GPSM2: variants seen among roughly 807,000 people sequenced by gnomAD.
GPSM2 encodes G protein signaling modulator 2.
Under a neutral mutation model 78.4 loss-of-function variants are expected in GPSM2, and 58 were observed. The ratio of observed to expected loss-of-function variants is 0.74; its 90% confidence interval spans 0.60 to 0.92. The LOEUF is 0.92. Ranked by LOEUF, GPSM2 falls within the 40% of genes least tolerant of loss-of-function variation. GPSM2 has a pLI of 0.00. For synonymous variants in GPSM2, 224 were observed against 280.2 expected (o/e 0.80, Z 2.00); for missense variants, 700 against 815.5 (o/e 0.86, Z 1.73).
At chr1:108,886,035 G>A (rs1037374684) in intron 2 of GPSM2, among the ~76,000 whole-genome samples, 2 of 150,546 alleles carry the variant, frequency 1.3e-5, no homozygotes, top group African/African-American at 4.9e-5. Context: ...TCCTTTTTTT[G>A]TATATTTTTT....
intron 10 of GPSM2, among the ~76,000 whole-genome samples, chr1:108,908,098 G>A (rs1570922021): frequency 6.6e-6 from 1 of 152,194 alleles, no homozygotes; most frequent in East Asian, 1.9e-4. Flanking sequence ...GGGGCCGGGC[G>A]CCATGGCTCA....
At position 108,898,636 on chromosome 1, in the gene GPSM2, C is replaced by T; in HGVS notation, c.558-6C>T. On this transcript the variant is annotated splice_region_variant and splice_polypyrimidine_tract_variant and intron_variant, in intron 5 of 14. Coordinates refer to ENST00000264126, the MANE Select transcript of GPSM2 (RefSeq NM_013296.5). ...TATTTTTTCATCACTTTTTGCGATC[C>T]CTTAGGGAAAACCTATCATTAGTGA... 1 of 1,613,368 alleles carries T rather than the reference C, an allele frequency of 6.2e-7. No individual in the cohort carries two copies. The highest frequency in any genetic ancestry group is 8.5e-7 in the Non-Finnish European group (1 of 1,179,574).
intron 2 of GPSM2, among the ~76,000 whole-genome samples, chr1:108,889,838 AAGCTGAACAT>A (rs1647845486): frequency 6.6e-6 from 1 of 151,920 alleles, no homozygotes; most frequent in African/African-American, 2.4e-5. Context: ...TCACCCGGCC[AAGCTGAACAT>A]AGAACACAAG....
intron 10 of GPSM2, among the ~76,000 whole-genome samples, chr1:108,906,567 T>C (rs1245538897): frequency 6.6e-6 from 1 of 151,880 alleles, no homozygotes; most frequent in Non-Finnish European, 1.5e-5. Flanking sequence ...TTTTTTTTTT[T>C]TTTTTTTCTA....
At chr1:108,929,473 A>G (rs776223239) in intron 14 of GPSM2, 39 of 565,500 alleles carry the variant, frequency 6.9e-5, no homozygotes, top group Middle Eastern at 9.7e-4. Flanking sequence ...CTATACCTAT[A>G]TAAGCCATTT....
chr1:108,889,014 G>T (rs910890875), intron 2 of GPSM2, among the ~76,000 whole-genome samples: 2 of 152,194 alleles, frequency 1.3e-5, no homozygotes, highest in Non-Finnish European at 2.9e-5. Context: ...CCAGCATGAA[G>T]TATTGCTGGT....
At chr1:108,909,921 AAAAAAAG>A (rs1649579207) in intron 10 of GPSM2, 1 of 147,740 alleles carries the variant, frequency 6.8e-6, no homozygotes, top group Non-Finnish European at 1.5e-5. Context: ...AAAAAAAAAA[AAAAAAAG>A]GAAAAAGGCT....
intron 1 of GPSM2, among the ~76,000 whole-genome samples, chr1:108,883,762 T>C (rs1421758140): frequency 6.6e-6 from 1 of 151,968 alleles, no homozygotes; most frequent in African/African-American, 2.4e-5. Flanking sequence ...CCTTTATTCC[T>C]CTCTTTTTCT....
rs1161530397 is a variant in GPSM2 at position 108,932,294 on chromosome 1, G to A, written c.*2354G>A. On this transcript the variant is annotated 3_prime_UTR_variant, in exon 15 of 15. Transcript: ENST00000264126. ...CAAAAAAAAGTAAAATTTCAAAAAA[G>A]CTTCACAATATAAACCTTAATTTTA... 6.6e-6 allele frequency: 1 copy of A among 152,008 alleles called. No individual in the cohort carries two copies. The highest frequency in any genetic ancestry group is 1.5e-5 in the Non-Finnish European group (1 of 67,988). The allele number at this position is 152,008 out of a possible 1,614,324, so 9.4% of individuals were successfully genotyped here.
intron 3 of GPSM2, 47 bp downstream of exon 3, chr1:108,897,132 T>C (rs768405310): frequency 3.8e-6 from 5 of 1,323,592 alleles, no homozygotes; most frequent in Non-Finnish European, 5.4e-6. Flanking sequence ...AAATTAGCTA[T>C]TACTTTAAAA....
At chr1:108,895,317 G>A (rs1469984405) in intron 2 of GPSM2, among the ~76,000 whole-genome samples, 1 of 152,248 alleles carries the variant, frequency 6.6e-6, no homozygotes, top group Non-Finnish European at 1.5e-5. Flanking sequence ...CATTTGATGA[G>A]CTTAATCAGA....
rs768924499 is a variant in GPSM2, at chr1:108,929,868, G to T, written c.1983G>T (p.Gly661=). 3.7e-6 allele frequency: 6 copies of T among 1,613,838 alleles called. No individual in the cohort carries two copies. The South Asian group carries it at 6.6e-5, about 18-fold the overall frequency. Residue 661 remains glycine, a synonymous_variant, in exon 15 of 15, where the codon GGG becomes GGT. Coordinates refer to ENST00000264126, the MANE Select transcript of GPSM2 (RefSeq NM_013296.5). ...ATCAAAACAGAGACACTGACTTTGGGCTAAAGGACTTTTTGCAAAATAATG... is the reference window on the plus strand; with the variant it reads ...ATCAAAACAGAGACACTGACTTTGGTCTAAAGGACTTTTTGCAAAATAATG... ...QRDQNRDTDF[G]LKDFLQNNAL...
At chr1:108,895,880 G>T (rs1476191686) in intron 2 of GPSM2, among the ~76,000 whole-genome samples, 1 of 152,192 alleles carries the variant, frequency 6.6e-6, no homozygotes, top group African/African-American at 2.4e-5. Flanking sequence ...CGTTGTATTA[G>T]AATATACATA....
At position 108,888,043 on chromosome 1, in the gene GPSM2, A is replaced by ATGTTTT. The variant is rs908510411; in HGVS notation, c.56+2484_56+2489dup. ...TCATTTAATAAGGTGATTAGGGAAT[A>ATGTTTT]TGTTTTTGTTTTTGTTTTTGTTTTG... On this transcript the variant is annotated intron_variant, in intron 2 of 14. Transcript: ENST00000264126. 7.2e-5 allele frequency among the ~76,000 whole-genome samples: 11 copies of ATGTTTT among 152,190 alleles called. No homozygotes were observed. In the South Asian group the frequency reaches 1.0e-3, roughly 14 times the overall value.
In GPSM2 at chr1:108,897,071, T is replaced by G; in HGVS notation, c.264T>G (p.Asp88Glu). ...AAGCATTAGAATATCACCATCATGA[T>G]TTAACCCTTGCAAGGTAATTAATTT... ...YAKALEYHHHDLTLARTIGDQ... is the reference protein window; with the variant it reads ...YAKALEYHHHELTLARTIGDQ... Residue 88 changes from aspartate (D) to glutamate (E), a missense_variant, in exon 3 of 15, where the codon GAT becomes GAG. Asp to Glu is a conservative substitution (Grantham distance 45). Coordinates refer to ENST00000264126, the MANE Select transcript of GPSM2 (RefSeq NM_013296.5). 6.2e-7 allele frequency: 1 copy of G among 1,603,062 alleles called. No individual in the cohort carries two copies. The highest frequency in any genetic ancestry group is 1.3e-5 in the African/African-American group (1 of 74,858).
chr1:108,927,093 A>G (rs1651168504), intron 14 of GPSM2, among the ~76,000 whole-genome samples: 1 of 152,230 alleles, frequency 6.6e-6, no homozygotes, highest in Admixed American at 6.5e-5. Context: ...GAAATTAATC[A>G]CTGAGGCAAA....
intron 2 of GPSM2, among the ~76,000 whole-genome samples, chr1:108,891,274 A>G (rs951291623): frequency 6.6e-6 from 1 of 152,168 alleles, no homozygotes; most frequent in Admixed American, 6.5e-5. Flanking sequence ...AGGAATACAG[A>G]TATGGTGTTG....
chr1:108,928,264 TAAC>T (rs1211239259), intron 14 of GPSM2, among the ~76,000 whole-genome samples: 4 of 152,168 alleles, frequency 2.6e-5, no homozygotes, highest in African/African-American at 7.2e-5. Flanking sequence ...TCTATAGAGA[TAAC>T]AAGAGGCTAG....
rs191672168 is a variant in GPSM2, at chr1:108,907,811, T to A, written c.1192+3557T>A. Among the ~76,000 whole-genome samples the A allele has an allele frequency of 1.1e-3, 163 of 152,344 alleles. 1 individual carries two copies. The highest frequency in any genetic ancestry group is 3.1e-3 in the South Asian group (15 of 4,834). On this transcript the variant is annotated intron_variant, in intron 10 of 14. Transcript: ENST00000264126. ...AGAGGTTAGGTAAATTTCCCAGGGT[T>A]ACCTGTGTAGTAAGTGGTAGAGATG...
Sources: allele counts gnomAD v4.1 joint callset (sites outside exome capture counted in the v4.1 genomes callset), GRCh38; gene constraint gnomAD v4.1.1; transcripts MANE v1.5; gene names NCBI Gene and HGNC (gene_info 2026-07-23, HGNC 2026-07-21).